TENM3: variants seen among roughly 807,000 people sequenced by gnomAD.
TENM3 encodes teneurin transmembrane protein 3.
A neutral mutation model predicts 255.1 loss-of-function variants in TENM3; 63 were observed. The ratio of observed to expected loss-of-function variants is 0.25; its 90% CI spans 0.20 to 0.30. The LOEUF (loss-of-function observed/expected upper bound fraction) is 0.30. Among genes scored for constraint, TENM3 ranks in the 10% least tolerant of loss-of-function variants. The probability of loss-of-function intolerance (pLI) is 1.00; values close to 1 mark genes in which losing one functional copy is unlikely to be tolerated. For missense variants in TENM3, 2,929 were observed against 3,461.1 expected (o/e 0.85, Z 3.86); for synonymous variants, 1,306 against 1,322.3 (o/e 0.99, Z 0.27).
In TENM3 at chr4:182,680,576, A is replaced by T; in HGVS notation, c.1673A>T (p.Gln558Leu). The change falls in exon 10 of 28, where the codon CAG (glutamine) becomes CTG (leucine). Residue 558 changes from glutamine (Q) to leucine (L), a missense_variant. This residue lies in a region of TENM3 where 1,608 missense variants were observed against 1,884.4 expected (regional missense o/e 0.85). Coordinates refer to ENST00000511685, the MANE Select transcript of TENM3 (RefSeq NM_001080477.4). ...CCAGTGTTATGTAGTGGCAACGGGC[A>T]GTACTCCAAGGGCCGCTGCCTGTGT... Reference protein sequence around the residue: ...ACPVLCSGNGQYSKGRCLCFS... With the variant: ...ACPVLCSGNGLYSKGRCLCFS... The T allele has an allele frequency of 6.2e-7, 1 of 1,613,744 alleles. No individual in the cohort carries two copies.
Position 182,729,005 on chromosome 4 carries a change from G to C in TENM3, c.2409G>C (p.Gln803His). 1 of 1,613,962 alleles carries C rather than the reference G, an allele frequency of 6.2e-7. No homozygotes were observed. Among genetic ancestry groups the C allele is most frequent in the South Asian group, 1.1e-5 (1 of 91,080 alleles). ...IDCMDPDCCLQSSCQNQPYCR... is the reference protein window; with the variant it reads ...IDCMDPDCCLHSSCQNQPYCR... ...GCATGGATCCCGATTGCTGCCTACA[G>C]AGTTCCTGCCAGAATCAGCCCTATT... is the stretch of plus-strand genomic sequence containing the variant. The change falls in exon 14 of 28, where the codon CAG becomes CAC. Residue 803 changes from glutamine (Q) to histidine (H), a missense_variant. By Grantham distance (24) the Gln-to-His change is conservative. This residue lies in a region of TENM3 where 1,608 missense variants were observed against 1,884.4 expected (regional missense o/e 0.85). Transcript: ENST00000511685.
chr4:181,959,372 C>T, the TENM3 span, among the ~76,000 whole-genome samples: 2 of 152,138 alleles, frequency 1.3e-5, no homozygotes, highest in Non-Finnish European at 2.9e-5. Flanking sequence ...GTTTGGATAA[C>T]CACGTAGCTC....
chr4:182,651,207 A>G (rs1753253282), intron 5 of TENM3, among the ~76,000 whole-genome samples: 2 of 152,108 alleles, frequency 1.3e-5, no homozygotes, highest in South Asian at 4.2e-4. Context: ...CTCTATGCAA[A>G]ACTAAGCTCC....
At chr4:181,924,741 C>G in the TENM3 span, among the ~76,000 whole-genome samples, 1 of 152,132 alleles carries the variant, frequency 6.6e-6, no homozygotes, top group African/African-American at 2.4e-5. Flanking sequence ...TTTGTATTGG[C>G]TCTCTTTCTC....
At chr4:181,682,259 A>T in the TENM3 span, among the ~76,000 whole-genome samples, 3 of 152,170 alleles carry the variant, frequency 2.0e-5, no homozygotes, top group Non-Finnish European at 4.4e-5. Flanking sequence ...AATCTCATTA[A>T]GCCAGCTAGA....
chr4:181,522,635 T>C, the TENM3 span: 15 of 564,310 alleles, frequency 2.7e-5, no homozygotes, highest in Middle Eastern at 5.3e-4. Context: ...TCTCCAACTA[T>C]GTTGTAGCCA....
At position 182,491,389 on chromosome 4, in the gene TENM3, A is replaced by ATGTG. The variant is rs147076817; in HGVS notation, c.512-109521_512-109518dup. 9.4e-3 allele frequency among the ~76,000 whole-genome samples: 1,421 copies of ATGTG among 150,904 alleles called. 18 individuals are homozygous for ATGTG. Among genetic ancestry groups the ATGTG allele is most frequent in the African/African-American group, 0.032 (1,338 of 41,246 alleles). ...TACTTTAAAAATTGCAGTGAAATTT[A>ATGTG]TGTGTGTGTGTGTGTGTCTTTTGTA... On this transcript the variant is annotated intron_variant, in intron 3 of 27. Transcript: ENST00000511685.
chr4:182,343,123 T>C lies in TENM3; in HGVS notation c.233-3528T>C, dbSNP rs144420564. Among the ~76,000 whole-genome samples, 57 of 152,318 alleles carry C rather than the reference T, an allele frequency of 3.7e-4. No individual in the cohort carries two copies. In the East Asian group the frequency reaches 0.011, roughly 28 times the overall value. The stretch of plus-strand genomic sequence containing the variant: ...ATGCAGCCCACCTAGGTTGTGTTTA[T>C]TCAGTTTTCCTTTTCTAGATTTTCA... On this transcript the variant is annotated intron_variant, in intron 2 of 27. Transcript: ENST00000511685.
chr4:182,739,578 C>A (rs17263099), intron 18 of TENM3, among the ~76,000 whole-genome samples: 98,079 of 152,110 alleles, frequency 0.64, 31,977 homozygotes, highest in East Asian at 0.8. Flanking sequence ...TGACCATGTA[C>A]TACAATTAAA....
intron 3 of TENM3, among the ~76,000 whole-genome samples, chr4:182,394,173 G>T (rs1275871714): frequency 3.3e-5 from 5 of 152,102 alleles, no homozygotes; most frequent in African/African-American, 7.2e-5. Context: ...GTCTCTAACT[G>T]CTCGTGGAAC....
intron 11 of TENM3, among the ~76,000 whole-genome samples, chr4:182,684,813 A>G (rs1324573815): frequency 3.9e-5 from 6 of 152,222 alleles, no homozygotes; most frequent in Admixed American, 3.9e-4. Flanking sequence ...ATGAAATGCA[A>G]ATTGTTTCCT....
the TENM3 span, among the ~76,000 whole-genome samples, chr4:181,678,687 A>G: frequency 6.6e-6 from 1 of 152,040 alleles, no homozygotes; most frequent in Non-Finnish European, 1.5e-5. Context: ...TACAAAAATT[A>G]CCAAAATTAT....
chr4:181,933,086 C>T, the TENM3 span, among the ~76,000 whole-genome samples: 166 of 152,122 alleles, frequency 1.1e-3, 2 homozygotes, highest in South Asian at 0.019. Context: ...ATGGGTGCAG[C>T]GAACCACCAT....
chr4:181,629,461 T>G, the TENM3 span, among the ~76,000 whole-genome samples: 16 of 152,326 alleles, frequency 1.1e-4, no homozygotes, highest in African/African-American at 3.8e-4. Flanking sequence ...CAGTATAATA[T>G]TGGCTGTGGG....
chr4:181,989,314 T>G, the TENM3 span, among the ~76,000 whole-genome samples: 32 of 152,088 alleles, frequency 2.1e-4, no homozygotes, highest in African/African-American at 7.5e-4. Context: ...AGGGTGGGGA[T>G]GGTGTTGTCA....
the TENM3 span, among the ~76,000 whole-genome samples, chr4:182,010,057 AC>A: frequency 0.16 from 24,834 of 152,098 alleles, 2,309 homozygotes; most frequent in Non-Finnish European, 0.22. Context: ...GAACCTGGAT[AC>A]TTTGGTTGCC....
the TENM3 span, among the ~76,000 whole-genome samples, chr4:181,701,486 T>G: frequency 6.6e-6 from 1 of 152,058 alleles, no homozygotes; most frequent in Non-Finnish European, 1.5e-5. Flanking sequence ...GACGAGGTAA[T>G]AGCCAAGGGC....
At chr4:181,707,556 A>T in the TENM3 span, among the ~76,000 whole-genome samples, 1 of 152,208 alleles carries the variant, frequency 6.6e-6, no homozygotes, top group South Asian at 2.1e-4. Flanking sequence ...AGCATCCAAG[A>T]GTGGTTATGA....
At chr4:181,617,273 T>C in the TENM3 span, among the ~76,000 whole-genome samples, 2 of 152,092 alleles carry the variant, frequency 1.3e-5, no homozygotes, top group South Asian at 4.1e-4. Context: ...GGGAAAAAAA[T>C]AGAGGCAGCA....
Sources: gnomAD v4.1 joint callset for allele counts (sites outside exome capture counted in the v4.1 genomes callset) on GRCh38, gnomAD v4.1.1 for gene constraint, gnomAD v4.1.1 regional missense constraint, MANE v1.5 for transcripts, NCBI Gene and HGNC (gene_info 2026-07-23, HGNC 2026-07-21) for gene names.